Variants in GATAD2B observed in about 807,000 individuals in gnomAD.
GATAD2B encodes transcriptional repressor p66-beta.
A neutral mutation model predicts 64.3 loss-of-function variants in GATAD2B; 8 were observed. That is an observed-to-expected ratio of 0.12 (90% CI 0.07 to 0.22). GATAD2B has a LOEUF of 0.22. Ranked by LOEUF, GATAD2B falls within the 10% of genes least tolerant of loss-of-function variation. The pLI is 1.00. For missense variants in GATAD2B, 453 were observed against 752.0 expected (o/e 0.60, Z 4.65); for synonymous variants, 281 against 271.3 (o/e 1.04, Z -0.35).
intron 1 of GATAD2B, among the ~76,000 whole-genome samples, chr1:153,900,695 T>C (rs1677739658): frequency 6.6e-6 from 1 of 152,126 alleles, no homozygotes. Flanking sequence ...GCAAGCCTTT[T>C]CTTTAGCCAG....
At chr1:153,884,598 A>G (rs1473073826) in intron 1 of GATAD2B, among the ~76,000 whole-genome samples, 2 of 152,160 alleles carry the variant, frequency 1.3e-5, no homozygotes, top group South Asian at 2.1e-4. Context: ...GTGAGACTTC[A>G]TCTCAAAAAC....
intron 1 of GATAD2B, among the ~76,000 whole-genome samples, chr1:153,912,667 C>T (rs888912399): frequency 6.6e-6 from 1 of 152,130 alleles, no homozygotes; most frequent in African/African-American, 2.4e-5. Flanking sequence ...GAAAACCACC[C>T]CTCCTTAAAA....
intron 1 of GATAD2B, among the ~76,000 whole-genome samples, chr1:153,867,541 A>G (rs1676518242): frequency 6.6e-6 from 1 of 151,940 alleles, no homozygotes; most frequent in African/African-American, 2.4e-5. Flanking sequence ...CAAGGACCCC[A>G]AAGAGAGCAG....
In GATAD2B at chr1:153,894,563, T is replaced by TA. The variant is rs201089422; in HGVS notation, c.-2+28169dup. Among the ~76,000 whole-genome samples the TA allele has an allele frequency of 7.4e-5, 11 of 148,220 alleles. No homozygotes were observed. In the South Asian group the frequency reaches 8.5e-4, roughly 11 times the overall value. ...TTCTGTATGTACATTATACCTCAGT[T>TA]AAAAAAAAAAGTTTACGGGCCAGGT... On this transcript the variant is annotated intron_variant, in intron 1 of 10. Transcript: ENST00000368655.
intron 1 of GATAD2B, among the ~76,000 whole-genome samples, chr1:153,851,620 T>A (rs1406008870): frequency 6.6e-6 from 1 of 152,122 alleles, no homozygotes; most frequent in Non-Finnish European, 1.5e-5. Flanking sequence ...ATTTTTTTTT[T>A]AATCTTACAG....
At chr1:153,833,072 T>G (rs2101895478) in intron 1 of GATAD2B, among the ~76,000 whole-genome samples, 1 of 152,232 alleles carries the variant, frequency 6.6e-6, no homozygotes, top group South Asian at 2.1e-4. Context: ...CTGGGCATAG[T>G]AGTGCACACC....
intron 1 of GATAD2B, among the ~76,000 whole-genome samples, chr1:153,893,955 T>TA (rs57287798): frequency 0.21 from 14,560 of 68,404 alleles, 1,934 homozygotes; most frequent in East Asian, 0.27. Context: ...AGACTCCATC[T>TA]AAAAAAAAAA....
At chr1:153,852,830 C>T (rs1314626858) in intron 1 of GATAD2B, 2 of 859,862 alleles carry the variant, frequency 2.3e-6, no homozygotes, top group Non-Finnish European at 2.0e-6. Context: ...GCTTCTTTTT[C>T]TAGTTCTTCC....
intron 1 of GATAD2B, among the ~76,000 whole-genome samples, chr1:153,828,564 G>A (rs554188147): frequency 6.6e-6 from 1 of 151,722 alleles, no homozygotes; most frequent in Admixed American, 6.6e-5. Context: ...GAGATTTCTG[G>A]GCATTCAACC....
At chr1:153,876,669 A>C (rs1457856358) in intron 1 of GATAD2B, among the ~76,000 whole-genome samples, 1 of 152,220 alleles carries the variant, frequency 6.6e-6, no homozygotes, top group Non-Finnish European at 1.5e-5. Context: ...AGAAGTTCTG[A>C]CATACACGAA....
chr1:153,821,541 TGAG>T (rs1350330561), intron 2 of GATAD2B, among the ~76,000 whole-genome samples: 2 of 151,934 alleles, frequency 1.3e-5, no homozygotes, highest in Non-Finnish European at 2.9e-5. Context: ...ACCCCAAATA[TGAG>T]GAGTAACAGG....
At chr1:153,883,699 G>A (rs902161875) in intron 1 of GATAD2B, among the ~76,000 whole-genome samples, 8 of 151,708 alleles carry the variant, frequency 5.3e-5, no homozygotes, top group Non-Finnish European at 7.4e-5. Flanking sequence ...TGACTGCACT[G>A]GTCTTTTTTT....
chr1:153,815,287 A>AC (rs1674434289), intron 7 of GATAD2B, among the ~76,000 whole-genome samples: 3 of 146,256 alleles, frequency 2.1e-5, no homozygotes, highest in South Asian at 2.2e-4. Context: ...AAACAAAAAA[A>AC]AAAAACAAAA....
chr1:153,888,086 C>CA (rs962698525), intron 1 of GATAD2B, among the ~76,000 whole-genome samples: 4,049 of 126,098 alleles, frequency 0.032, 61 homozygotes, highest in East Asian at 0.075. Flanking sequence ...GGCTCTATCT[C>CA]AAAAAAAAAA....
chr1:153,893,980 A>AC (rs1382712011), intron 1 of GATAD2B, among the ~76,000 whole-genome samples: 3 of 130,760 alleles, frequency 2.3e-5, no homozygotes, highest in Non-Finnish European at 5.1e-5. Context: ...AAAAAAAAAA[A>AC]AACCCAAAAA....
chr1:153,879,144 T>C (rs867559402), intron 1 of GATAD2B, among the ~76,000 whole-genome samples: 1 of 152,142 alleles, frequency 6.6e-6, no homozygotes, highest in Non-Finnish European at 1.5e-5. Flanking sequence ...TTTCACTGTC[T>C]TAGCCAGGAT....
At position 153,817,528 on chromosome 1, in the gene GATAD2B, G is replaced by C. The variant is rs762057937; in HGVS notation, c.744C>G (p.Ile248Met). 1.2e-6 allele frequency: 2 copies of C among 1,602,102 alleles called. No individual in the cohort carries two copies. Among genetic ancestry groups the C allele is most frequent in the African/African-American group, 2.7e-5 (2 of 74,652 alleles). Residue 248 changes from isoleucine to methionine, a missense_variant, in exon 6 of 11, where the codon ATC becomes ATG. Physicochemically the swap from Ile to Met is conservative, Grantham distance 10. This residue lies in a region of GATAD2B where 293 missense variants were observed against 417.2 expected (regional missense o/e 0.70). Coordinates refer to ENST00000368655, the MANE Select transcript of GATAD2B (RefSeq NM_020699.4). ...GAAGGGTGGTATTGGTAGCTGAACG[G>C]ATGACACTGTGACCCTGGAGGGGAA... ...NLRTLQGHSV[I>M]RSATNTTLPH...
At chr1:153,887,425 G>C (rs1677218056) in intron 1 of GATAD2B, among the ~76,000 whole-genome samples, 1 of 152,176 alleles carries the variant, frequency 6.6e-6, no homozygotes, top group Admixed American at 6.6e-5. Context: ...TGAAGTAAGT[G>C]TCTACCACTA....
At chr1:153,850,007 G>GT (rs1371371741) in intron 1 of GATAD2B, among the ~76,000 whole-genome samples, 1 of 152,114 alleles carries the variant, frequency 6.6e-6, no homozygotes, top group Admixed American at 6.5e-5. Flanking sequence ...GAGAGGTAGT[G>GT]TATCTGTGAC....
Sources: allele counts gnomAD v4.1 joint callset (sites outside exome capture counted in the v4.1 genomes callset), GRCh38; gene constraint gnomAD v4.1.1; regional missense constraint gnomAD v4.1.1; transcripts MANE v1.5; gene names NCBI Gene and HGNC (gene_info 2026-07-23, HGNC 2026-07-21).